AATF: variants seen among roughly 807,000 people sequenced by gnomAD.
AATF encodes apoptosis antagonizing transcription factor, also known as protein AATF.
In AATF, 48 loss-of-function variants were observed where a neutral mutation model predicts 63.7. The observed-to-expected ratio is 0.75, with a 90% CI of 0.60 to 0.96. The LOEUF is 0.96. Ranked by LOEUF, AATF falls within the 40% of genes least tolerant of loss-of-function variation. The pLI is 0.00. For missense variants in AATF, 639 were observed against 685.7 expected, an observed-to-expected ratio of 0.93 and a Z score of 0.76; for synonymous variants, 258 against 247.7, an observed-to-expected ratio of 1.04 and a Z score of -0.39.
chr17:36,975,241 C>CT (rs1358451420), intron 4 of AATF, among the ~76,000 whole-genome samples: 8 of 151,548 alleles, frequency 5.3e-5, no homozygotes, highest in South Asian at 2.1e-4. Flanking sequence ...GCCTGCAGGT[C>CT]TTTTTTTTCG....
intron 11 of AATF, among the ~76,000 whole-genome samples, chr17:37,041,859 G>C (rs567395753): frequency 6.6e-6 from 1 of 152,258 alleles, no homozygotes; most frequent in South Asian, 2.1e-4. Flanking sequence ...GTTACTTACT[G>C]TTTTTAAGTT....
At chr17:37,034,668 A>G (rs2071576710) in intron 11 of AATF, 1 of 152,224 alleles carries the variant, frequency 6.6e-6, no homozygotes, top group African/African-American at 2.4e-5. Context: ...TAAAAGTCAC[A>G]TTGAAAAAGA....
chr17:36,956,979 GAA>G (rs146560113), intron 4 of AATF, among the ~76,000 whole-genome samples: 1 of 145,520 alleles, frequency 6.9e-6, no homozygotes, highest in Admixed American at 6.8e-5. Flanking sequence ...TGTCCCCCCC[GAA>G]AAAAAAAAGA....
At chr17:36,955,814 G>T (rs1339555803) in intron 4 of AATF, among the ~76,000 whole-genome samples, 11 of 152,174 alleles carry the variant, frequency 7.2e-5, no homozygotes, top group African/African-American at 2.7e-4. Flanking sequence ...CCAGGCTGGA[G>T]TGCAGTAGCG....
chr17:36,988,266 A>G (rs973910108), intron 5 of AATF, among the ~76,000 whole-genome samples: 30 of 152,188 alleles, frequency 2.0e-4, no homozygotes, highest in African/African-American at 6.8e-4. Flanking sequence ...CAGTGAGCCA[A>G]GATCGCGCCA....
intron 4 of AATF, among the ~76,000 whole-genome samples, chr17:36,956,988 A>AG (rs1009153065): frequency 4.0e-5 from 6 of 151,724 alleles, no homozygotes; most frequent in African/African-American, 1.5e-4. Flanking sequence ...CGAAAAAAAA[A>AG]AGAGAGAGAG....
intron 11 of AATF, among the ~76,000 whole-genome samples, chr17:37,050,551 G>A (rs964206529): frequency 3.9e-5 from 6 of 152,184 alleles, no homozygotes; most frequent in Non-Finnish European, 7.3e-5. Flanking sequence ...ATTGGTGACC[G>A]CGCTGGTCTG....
chr17:36,995,966 A>C (rs2071251763), intron 8 of AATF, among the ~76,000 whole-genome samples: 1 of 152,164 alleles, frequency 6.6e-6, no homozygotes, highest in African/African-American at 2.4e-5. Context: ...TGCCTCTGTG[A>C]ATGAGTTGTT....
At chr17:37,034,199 G>A (rs1223340172) in intron 11 of AATF, among the ~76,000 whole-genome samples, 4 of 152,290 alleles carry the variant, frequency 2.6e-5, no homozygotes, top group East Asian at 1.9e-4. Context: ...ATAGGGAGAC[G>A]TGTCCATATC....
chr17:36,953,946 C>G, intron 4 of AATF, 39 bp downstream of exon 4: 1 of 1,596,952 alleles, frequency 6.3e-7, no homozygotes. Context: ...CTTAGAACCA[C>G]TTTGTCAAAT....
At chr17:37,003,272 G>A (rs966659203) in intron 8 of AATF, among the ~76,000 whole-genome samples, 1 of 152,020 alleles carries the variant, frequency 6.6e-6, no homozygotes, top group African/African-American at 2.4e-5. Flanking sequence ...AAAGAATGAA[G>A]ATGGAGCCTT....
chr17:37,001,442 AG>A (rs2071296208), intron 8 of AATF, among the ~76,000 whole-genome samples: 2 of 135,358 alleles, frequency 1.5e-5, no homozygotes, highest in African/African-American at 5.6e-5. Flanking sequence ...GAAGGAAGGA[AG>A]GAAGGAAGGA....
chr17:37,024,865 G>A (rs1230866746), intron 10 of AATF, among the ~76,000 whole-genome samples: 6 of 151,962 alleles, frequency 3.9e-5, no homozygotes, highest in Non-Finnish European at 5.9e-5. Flanking sequence ...AGGCTGAGGC[G>A]GGAGAATCGT....
intron 11 of AATF, among the ~76,000 whole-genome samples, chr17:37,049,664 A>G (rs2071729370): frequency 6.6e-6 from 1 of 151,476 alleles, no homozygotes. Context: ...TTTTAAGAGG[A>G]AAATGGAGGA....
intron 4 of AATF, among the ~76,000 whole-genome samples, chr17:36,981,850 G>A (rs1472997733): frequency 6.6e-6 from 1 of 151,496 alleles, no homozygotes. Flanking sequence ...ATTTTTCATT[G>A]TGGTACACAA....
intron 11 of AATF, among the ~76,000 whole-genome samples, chr17:37,045,115 A>G (rs2071678265): frequency 6.6e-6 from 1 of 152,186 alleles, no homozygotes; most frequent in Non-Finnish European, 1.5e-5. Flanking sequence ...ACCTCGTTAG[A>G]CTTGGAGTTC....
intron 11 of AATF, among the ~76,000 whole-genome samples, chr17:37,041,441 A>G (rs1056750573): frequency 2.0e-5 from 3 of 152,224 alleles, no homozygotes; most frequent in Non-Finnish European, 4.4e-5. Context: ...ACTAAGTTAC[A>G]TGACTCTTTT....
intron 11 of AATF, among the ~76,000 whole-genome samples, chr17:37,034,380 G>A (rs755565706): frequency 1.3e-5 from 2 of 151,942 alleles, no homozygotes; most frequent in Admixed American, 6.6e-5. Flanking sequence ...TTTTTTAGTG[G>A]AAAAACAAAA....
chr17:36,960,506 T>C (rs2070938606), intron 4 of AATF, among the ~76,000 whole-genome samples: 1 of 152,136 alleles, frequency 6.6e-6, no homozygotes, highest in Admixed American at 6.6e-5. Flanking sequence ...ATATATACAG[T>C]GATAATCCTG....
Sources: allele counts gnomAD v4.1 joint callset (sites outside exome capture counted in the v4.1 genomes callset), GRCh38; gene constraint gnomAD v4.1.1; transcripts MANE v1.5; gene names NCBI Gene and HGNC (gene_info 2026-07-23, HGNC 2026-07-21).